The following NEDD1 variants were observed in gnomAD, a reference collection of about 807,000 sequenced individuals.
NEDD1 encodes protein NEDD1.
In NEDD1, 33 loss-of-function variants were observed where a neutral mutation model predicts 74.0. The observed-to-expected ratio is 0.45, with a 90% CI of 0.34 to 0.60. NEDD1 has a LOEUF of 0.60. Among genes scored for constraint, NEDD1 ranks in the 20% least tolerant of loss-of-function variants. The probability of loss-of-function intolerance (pLI) is 0.01; values close to 1 mark genes in which losing one functional copy is unlikely to be tolerated. For missense variants in NEDD1, 746 were observed against 776.5 expected, an observed-to-expected ratio of 0.96 and a Z score of 0.47; for synonymous variants, 250 against 264.4, an observed-to-expected ratio of 0.95 and a Z score of 0.53.
At chr12:96,949,064 A>G (rs1215333977) in intron 14 of NEDD1, among the ~76,000 whole-genome samples, 4 of 152,012 alleles carry the variant, frequency 2.6e-5, no homozygotes, top group Non-Finnish European at 5.9e-5. Flanking sequence ...GTAGGCCCAA[A>G]CTCTTAATAC....
chr12:96,909,437 C>T (rs1331286016), intron 2 of NEDD1, among the ~76,000 whole-genome samples: 1 of 152,104 alleles, frequency 6.6e-6, no homozygotes, highest in African/African-American at 2.4e-5. Context: ...GTGAGAATGA[C>T]TTTGCCTTTG....
chr12:96,944,548 T>C (rs1483194031), intron 12 of NEDD1, 91 bp from the exon 13 acceptor site: 1 of 663,936 alleles, frequency 1.5e-6, no homozygotes, highest in African/African-American at 1.9e-5. Flanking sequence ...ACCTACATAC[T>C]GGGACAAAAG....
chr12:96,934,452 C>A (rs759603279), intron 6 of NEDD1, among the ~76,000 whole-genome samples: 11 of 151,250 alleles, frequency 7.3e-5, no homozygotes, highest in African/African-American at 7.3e-5. Context: ...CTGAATGACA[C>A]CGTGGTTGTC....
intron 4 of NEDD1, among the ~76,000 whole-genome samples, chr12:96,914,681 T>C (rs1377832599): frequency 6.6e-6 from 1 of 152,194 alleles, no homozygotes; most frequent in African/African-American, 2.4e-5. Context: ...ATCTTACTGA[T>C]TTTAAAATTT....
At chr12:96,929,441 A>G (rs951251210) in intron 6 of NEDD1, among the ~76,000 whole-genome samples, 3 of 144,470 alleles carry the variant, frequency 2.1e-5, no homozygotes, top group Admixed American at 7.0e-5. Context: ...CTTTGTTTTC[A>G]TAAGTTTGTG....
chr12:96,917,693 A>C lies in NEDD1; in HGVS notation c.304A>C (p.Asn102His). The C allele has an allele frequency of 6.4e-7, 1 of 1,563,306 alleles. No individual in the cohort carries two copies. Among genetic ancestry groups the C allele is most frequent in the Non-Finnish European group, 8.6e-7 (1 of 1,164,746 alleles). The change falls in exon 5 of 16, where the codon AAT (asparagine) becomes CAT (histidine). Residue 102 changes from asparagine to histidine, a missense_variant. By Grantham distance (68) the Asn-to-His change is moderately conservative (BLOSUM62 1). Transcript: ENST00000266742. ...LVSGGLNNTV[N>H]IWDLKSKRVH... ...AAGCGGAGGCCTAAATAACACTGTT[A>C]ATATTTGGGATTTAAAATCAAAAAG...
chr12:96,916,874 G>A (rs922456517), intron 4 of NEDD1, among the ~76,000 whole-genome samples: 8 of 152,256 alleles, frequency 5.3e-5, no homozygotes, highest in African/African-American at 1.2e-4. Context: ...AGCTGCTGTC[G>A]TAGTTTGGTA....
intron 14 of NEDD1, among the ~76,000 whole-genome samples, chr12:96,948,752 C>T (rs1878434105): frequency 6.6e-6 from 1 of 152,128 alleles, no homozygotes; most frequent in Non-Finnish European, 1.5e-5. Context: ...TCCAGTTTGC[C>T]TTTATTCCTA....
chr12:96,907,446 G>C, intron 1 of NEDD1, 146 bp downstream of exon 1: 2 of 575,798 alleles, frequency 3.5e-6, no homozygotes, highest in Non-Finnish European at 6.0e-6. Context: ...CTGGGCGGGG[G>C]CGCGGCGGCG....
intron 6 of NEDD1, among the ~76,000 whole-genome samples, chr12:96,927,910 A>G (rs894773653): frequency 1.3e-5 from 2 of 152,090 alleles, no homozygotes; most frequent in Non-Finnish European, 2.9e-5. Flanking sequence ...ATATAGGAGC[A>G]TTGGTATAAA....
chr12:96,943,968 C>G (rs1237203951), intron 12 of NEDD1, among the ~76,000 whole-genome samples: 1 of 152,012 alleles, frequency 6.6e-6, no homozygotes, highest in Admixed American at 6.6e-5. Flanking sequence ...CAGTATTTTT[C>G]TAAGATGAGA....
At chr12:96,947,453 G>A (rs578030359) in intron 14 of NEDD1, among the ~76,000 whole-genome samples, 3 of 152,280 alleles carry the variant, frequency 2.0e-5, no homozygotes, top group East Asian at 3.9e-4. Context: ...AGAAGGCACC[G>A]TGGTAAGAGA....
At chr12:96,916,417 C>T (rs1017070153) in intron 4 of NEDD1, among the ~76,000 whole-genome samples, 7 of 108,278 alleles carry the variant, frequency 6.5e-5, no homozygotes, top group Admixed American at 2.9e-4. Flanking sequence ...CCCCCCTCCC[C>T]ACCACAGTCC....
chr12:96,907,703 T>A lies in NEDD1; in HGVS notation c.-162T>A. 1 of 1,551,164 alleles carries A rather than the reference T, an allele frequency of 6.4e-7. No individual in the cohort carries two copies. Among genetic ancestry groups the A allele is most frequent in the Non-Finnish European group, 8.7e-7 (1 of 1,146,822 alleles). ...AAAGTTGGAGAACTTTCATTTCAGCTGAGTGGTGTAGTTGAATTGGTTCCT... is the reference window on the plus strand; with the variant it reads ...AAAGTTGGAGAACTTTCATTTCAGCAGAGTGGTGTAGTTGAATTGGTTCCT... On this transcript the variant is annotated 5_prime_UTR_variant, in exon 2 of 16. Coordinates refer to ENST00000266742, the MANE Select transcript of NEDD1 (RefSeq NM_152905.4).
chr12:96,912,694 T>C (rs1874043482), intron 3 of NEDD1, 29 bp from the exon 4 acceptor site: 2 of 1,020,204 alleles, frequency 2.0e-6, no homozygotes, highest in East Asian at 4.7e-5. Flanking sequence ...GTTCATGGAT[T>C]GTTTGATGCT....
intron 12 of NEDD1, among the ~76,000 whole-genome samples, chr12:96,944,140 T>C (rs1349566733): frequency 6.6e-6 from 1 of 152,058 alleles, no homozygotes; most frequent in Non-Finnish European, 1.5e-5. Flanking sequence ...TGCTAAAATA[T>C]ATATATATAA....
At chr12:96,908,742 C>T (rs1873586230) in intron 2 of NEDD1, among the ~76,000 whole-genome samples, 1 of 152,264 alleles carries the variant, frequency 6.6e-6, no homozygotes, top group African/African-American at 2.4e-5. Flanking sequence ...GGATTCTGAC[C>T]TGCAGAAATG....
At chr12:96,923,917 T>C (rs781259068) in intron 6 of NEDD1, among the ~76,000 whole-genome samples, 11 of 151,882 alleles carry the variant, frequency 7.2e-5, no homozygotes, top group Non-Finnish European at 1.3e-4. Flanking sequence ...CAGTCTTTTC[T>C]TTTATGTTTG....
intron 6 of NEDD1, among the ~76,000 whole-genome samples, chr12:96,930,211 A>ACACTCTCT (rs1416917962): frequency 1.0e-4 from 9 of 89,240 alleles, no homozygotes; most frequent in Admixed American, 5.0e-4. Flanking sequence ...ACACACACAC[A>ACACTCTCT]CTCTCTCTCT....
Sources: gnomAD v4.1 joint callset for allele counts (sites outside exome capture counted in the v4.1 genomes callset) on GRCh38, gnomAD v4.1.1 for gene constraint, MANE v1.5 for transcripts, NCBI Gene and HGNC (gene_info 2026-07-23, HGNC 2026-07-21) for gene names.